CCR9: variants seen among roughly 807,000 people sequenced by gnomAD.
CCR9 encodes C-C chemokine receptor type 9.
Under a neutral mutation model 8.7 loss-of-function variants are expected in CCR9, and 4 were observed. The observed-to-expected ratio is 0.46, with a 90% confidence interval of 0.23 to 1.06. The LOEUF (loss-of-function observed/expected upper bound fraction) is 1.06, where lower values mean the gene tolerates loss of function less well. Among genes scored for constraint, CCR9 ranks in the 50% least tolerant of loss-of-function variants. CCR9 has a pLI of 0.21. For missense variants in CCR9, 394 were observed against 453.6 expected, an observed-to-expected ratio of 0.87 and a Z score of 1.19; for synonymous variants, 159 against 168.8, an observed-to-expected ratio of 0.94 and a Z score of 0.45.
intron 2 of CCR9, among the ~76,000 whole-genome samples, chr3:45,899,531 C>A (rs982313524): frequency 3.3e-5 from 5 of 152,094 alleles, no homozygotes; most frequent in Non-Finnish European, 7.4e-5. Context: ...CCAAATGTAT[C>A]CAGATGAATT....
chr3:45,901,728 C>A lies in CCR9; in HGVS notation c.940C>A (p.Pro314Thr). 1.2e-6 allele frequency: 2 copies of A among 1,614,204 alleles called. No homozygotes were observed. The highest frequency in any genetic ancestry group is 1.1e-5 in the South Asian group (1 of 91,078). ...CGCCTTCTTCCACAGTTGCCTGAAC[C>A]CTGTTCTCTATGTTTTTGTGGGTGA... Reference protein sequence around the residue: ...TIAFFHSCLNPVLYVFVGERF... With the variant: ...TIAFFHSCLNTVLYVFVGERF... The change falls in exon 3 of 3, where the codon CCT becomes ACT. Residue 314 changes from proline (P) to threonine (T), a missense_variant. By Grantham distance (38) the Pro-to-Thr change is conservative (BLOSUM62 -1). Transcript: ENST00000357632. The surrounding 1 kb of genome is among the most constrained non-coding windows in gnomAD (Gnocchi z 4.3).
At chr3:45,896,127 T>A (rs573461664) in intron 2 of CCR9, among the ~76,000 whole-genome samples, 11 of 152,364 alleles carry the variant, frequency 7.2e-5, no homozygotes, top group African/African-American at 2.2e-4. Context: ...GAAGTAACTA[T>A]TATTCTGACA....
chr3:45,890,347 T>TATTTATATAAATATATATATAA (rs1702134835), intron 1 of CCR9, among the ~76,000 whole-genome samples: 1 of 24,530 alleles, frequency 4.1e-5, no homozygotes, highest in Non-Finnish European at 6.4e-5. Flanking sequence ...CATATATATA[T>TATTTATATAAATATATATATAA]AACATATATA....
At chr3:45,888,569 A>C (rs1702052002) in intron 1 of CCR9, among the ~76,000 whole-genome samples, 2 of 152,256 alleles carry the variant, frequency 1.3e-5, no homozygotes, top group African/African-American at 2.4e-5. Flanking sequence ...TGGCACCTGC[A>C]ACAAGGCCTC....
intron 2 of CCR9, among the ~76,000 whole-genome samples, chr3:45,898,926 C>T (rs369785162): frequency 3.9e-5 from 6 of 152,106 alleles, no homozygotes; most frequent in East Asian, 1.9e-4. Context: ...CCAGCACTTT[C>T]GGAGGCCAAA....
rs1702519511 is a variant in CCR9 at position 45,900,584 on chromosome 3, C to A, written c.22-226C>A. Among the ~76,000 whole-genome samples the A allele has an allele frequency of 6.6e-6, 1 of 152,124 alleles. No individual in the cohort carries two copies. Among genetic ancestry groups the A allele is most frequent in the Non-Finnish European group, 1.5e-5 (1 of 68,022 alleles). Reference sequence around the variant, plus strand: ...ACATCTGACTTATTTATTATGGTTTCTTTGGCACATAGCACAGTAGCCAAC... The same window carrying A: ...ACATCTGACTTATTTATTATGGTTTATTTGGCACATAGCACAGTAGCCAAC... On this transcript the variant is annotated intron_variant, in intron 2 of 2. Coordinates refer to ENST00000357632, the MANE Select transcript of CCR9 (RefSeq NM_031200.3). This position sits in a 1 kb window ranked among gnomAD's most constrained non-coding sequence, Gnocchi z 4.7.
At chr3:45,887,222 G>T (rs1201074763) in intron 1 of CCR9, among the ~76,000 whole-genome samples, 1 of 151,094 alleles carries the variant, frequency 6.6e-6, no homozygotes, top group Admixed American at 6.7e-5. Context: ...TGTGTAGTCT[G>T]ATTTCCTTTC....
chr3:45,887,880 G>A (rs1268863407), intron 1 of CCR9, among the ~76,000 whole-genome samples: 2 of 151,672 alleles, frequency 1.3e-5, no homozygotes, highest in African/African-American at 4.8e-5. Flanking sequence ...AAAAAGCAGA[G>A]CTATGAAAAA....
At position 45,900,951 on chromosome 3, in the gene CCR9, T is replaced by C; in HGVS notation, c.163T>C (p.Tyr55His). The C allele has an allele frequency of 6.2e-7, 1 of 1,614,250 alleles. No homozygotes were observed. The highest frequency in any genetic ancestry group is 8.5e-7 in the Non-Finnish European group (1 of 1,180,028). The change falls in exon 3 of 3, where the codon TAC becomes CAC. Residue 55 changes from tyrosine to histidine, a missense_variant. By Grantham distance (83) the Tyr-to-His change is moderately conservative. Transcript: ENST00000357632. This position sits in a 1 kb window ranked among gnomAD's most constrained non-coding sequence, Gnocchi z 4.7. ...TGCGAGCCATTTCCTCCCACCCTTG[T>C]ACTGGCTCGTGTTCATCGTGGGTGC... is the stretch of plus-strand genomic sequence containing the variant. ...QFASHFLPPL[Y>H]WLVFIVGALG...
intron 2 of CCR9, chr3:45,895,208 T>C: frequency 1.9e-6 from 1 of 533,678 alleles, no homozygotes; most frequent in East Asian, 3.0e-5. Flanking sequence ...CAGCTAAGGA[T>C]TTTTAACCAT....
intron 1 of CCR9, among the ~76,000 whole-genome samples, chr3:45,891,161 G>C (rs1702168279): frequency 6.6e-6 from 1 of 152,250 alleles, no homozygotes; most frequent in Admixed American, 6.5e-5. Context: ...GAGGGCTGCA[G>C]TGAAATTCGG....
At chr3:45,890,275 T>TATATATAAATATATATATAAC (rs1702114074) in intron 1 of CCR9, among the ~76,000 whole-genome samples, 1 of 85,148 alleles carries the variant, frequency 1.2e-5, no homozygotes, top group African/African-American at 4.4e-5. Flanking sequence ...ATATAACATA[T>TATATATAAATATATATATAAC]ATATATATTT....
In CCR9 at chr3:45,902,131, G is replaced by A. The variant is rs199551466; in HGVS notation, c.*233G>A. The A allele has an allele frequency of 1.1e-5, 5 of 462,954 alleles. No individual in the cohort carries two copies. The highest frequency in any genetic ancestry group is 2.0e-5 in the Non-Finnish European group (5 of 254,826). 28.7% of individuals were successfully genotyped at this position (462,954 alleles called of 1,614,324 possible). On this transcript the variant is annotated 3_prime_UTR_variant, in exon 3 of 3. Coordinates refer to ENST00000357632, the MANE Select transcript of CCR9 (RefSeq NM_031200.3). ...GACTGTGATGCCCGCAATTCTCAAA[G>A]GAGGACTAAGGACCGGCACTGTGGA...
intron 1 of CCR9, among the ~76,000 whole-genome samples, chr3:45,890,681 G>A (rs1352961097): frequency 6.6e-6 from 1 of 152,150 alleles, no homozygotes; most frequent in Non-Finnish European, 1.5e-5. Context: ...AAAGTTCTTG[G>A]TTCTTCGGCT....
intron 1 of CCR9, among the ~76,000 whole-genome samples, chr3:45,892,448 AT>A (rs1702212782): frequency 6.6e-6 from 1 of 152,196 alleles, no homozygotes; most frequent in African/African-American, 2.4e-5. Context: ...TCCTAAGTGA[AT>A]TAACACAGAA....
At chr3:45,899,623 G>C (rs1177414632) in intron 2 of CCR9, among the ~76,000 whole-genome samples, 2 of 152,184 alleles carry the variant, frequency 1.3e-5, no homozygotes, top group African/African-American at 4.8e-5. Flanking sequence ...GGGAGTGAGA[G>C]CTGGTAGTCC....
At chr3:45,897,681 T>C (rs1232656220) in intron 2 of CCR9, 1 of 1,365,364 alleles carries the variant, frequency 7.3e-7, no homozygotes, top group Non-Finnish European at 9.9e-7. Flanking sequence ...CTGCCCCCTC[T>C]CATTTGTTCC....
chr3:45,897,379 G>A (rs898659245), intron 2 of CCR9, among the ~76,000 whole-genome samples: 6 of 152,136 alleles, frequency 3.9e-5, no homozygotes, highest in Admixed American at 1.3e-4. Flanking sequence ...GCAAAAGCAC[G>A]AGGTCCTTAA....
chr3:45,897,611 C>T (rs1702399024), intron 2 of CCR9: 2 of 1,535,374 alleles, frequency 1.3e-6, no homozygotes, highest in Non-Finnish European at 1.7e-6. Context: ...CCCAGGAATC[C>T]ATCTCCTTCC....
Sources: gnomAD v4.1 joint callset for allele counts (sites outside exome capture counted in the v4.1 genomes callset) on GRCh38, gnomAD v4.1.1 for gene constraint, Gnocchi (gnomAD v3.1) non-coding constraint, MANE v1.5 for transcripts, NCBI Gene and HGNC (gene_info 2026-07-23, HGNC 2026-07-21) for gene names.